Variants in SDK1 observed in about 807,000 individuals in gnomAD.
SDK1 encodes the protein protein sidekick-1.
Under a neutral mutation model 245.5 loss-of-function variants are expected in SDK1, and 157 were observed. That is an observed-to-expected ratio of 0.64 (90% CI 0.56 to 0.73). SDK1 has a LOEUF of 0.73. Ranked by LOEUF, SDK1 falls within the 30% of genes least tolerant of loss-of-function variation. The pLI is 0.00. For synonymous variants in SDK1, 1,647 were observed against 1,278.5 expected (o/e 1.29, Z -6.15); for missense variants, 3,583 against 3,002.3 (o/e 1.19, Z -4.52).
At chr7:3,530,296 T>A (rs1044980068) in intron 1 of SDK1, among the ~76,000 whole-genome samples, 1 of 152,198 alleles carries the variant, frequency 6.6e-6, no homozygotes, top group Non-Finnish European at 1.5e-5. Context: ...AAGAATATCA[T>A]CTGTGGTATC....
At chr7:3,307,247 AAAG>A (rs932627213) in intron 1 of SDK1, among the ~76,000 whole-genome samples, 7 of 152,240 alleles carry the variant, frequency 4.6e-5, no homozygotes, top group Admixed American at 3.9e-4. Flanking sequence ...TTTTTTAAAA[AAAG>A]GGCATAAACG....
At chr7:3,376,456 ACT>A (rs1203485469) in intron 1 of SDK1, among the ~76,000 whole-genome samples, 3 of 152,148 alleles carry the variant, frequency 2.0e-5, no homozygotes, top group African/African-American at 7.2e-5. Context: ...CAGTAAGAAG[ACT>A]CTATAAATGG....
At chr7:4,033,304 T>C (rs1173665229) in intron 17 of SDK1, among the ~76,000 whole-genome samples, 2 of 152,232 alleles carry the variant, frequency 1.3e-5, no homozygotes, top group African/African-American at 4.8e-5. Flanking sequence ...TATACAAGGA[T>C]ACATTCCAAG....
chr7:3,422,462 A>G (rs1382262190), intron 1 of SDK1, among the ~76,000 whole-genome samples: 8 of 152,220 alleles, frequency 5.3e-5, no homozygotes, highest in East Asian at 1.9e-4. Context: ...ACTATAGAAT[A>G]TAACCAACTT....
chr7:4,094,923 C>T (rs35493503), intron 22 of SDK1, among the ~76,000 whole-genome samples: 48,634 of 152,068 alleles, frequency 0.32, 9,431 homozygotes, highest in African/African-American at 0.55. Flanking sequence ...CAGGAACCCA[C>T]AGGTTATAGG....
At chr7:3,394,755 T>C (rs1781849293) in intron 1 of SDK1, among the ~76,000 whole-genome samples, 1 of 152,138 alleles carries the variant, frequency 6.6e-6, no homozygotes, top group South Asian at 2.1e-4. Context: ...TGTATGTACT[T>C]TTTTAATGCT....
intron 35 of SDK1, 43 bp downstream of exon 35, chr7:4,178,629 CAGT>C: frequency 7.0e-7 from 1 of 1,429,378 alleles, no homozygotes; most frequent in Non-Finnish European, 9.8e-7. Context: ...GAGAGGGCCA[CAGT>C]GGTGGGGACA....
chr7:3,670,449 T>A (rs1030834478), intron 4 of SDK1, among the ~76,000 whole-genome samples: 2 of 152,202 alleles, frequency 1.3e-5, no homozygotes, highest in African/African-American at 4.8e-5. Flanking sequence ...GACAAGTTCT[T>A]AAACAAAACA....
intron 31 of SDK1, 55 bp from the exon 32 acceptor site, chr7:4,161,731 G>A (rs1463439724): frequency 4.1e-6 from 6 of 1,475,566 alleles, no homozygotes; most frequent in Non-Finnish European, 5.7e-6. Context: ...CCTGGGAAGG[G>A]CGGCAGAACA....
intron 1 of SDK1, among the ~76,000 whole-genome samples, chr7:3,475,133 C>T (rs1035327485): frequency 2.0e-5 from 3 of 152,162 alleles, no homozygotes; most frequent in East Asian, 1.9e-4. Flanking sequence ...GATTCCTTCC[C>T]CTTGTTCCAT....
chr7:3,483,064 C>T (rs1020305877), intron 1 of SDK1, among the ~76,000 whole-genome samples: 3 of 152,106 alleles, frequency 2.0e-5, no homozygotes, highest in Non-Finnish European at 4.4e-5. Context: ...CAAATTTTTT[C>T]ATTGTTCTTT....
intron 1 of SDK1, among the ~76,000 whole-genome samples, chr7:3,430,458 C>T (rs547374774): frequency 5.3e-5 from 8 of 152,234 alleles, no homozygotes; most frequent in East Asian, 1.9e-4. Flanking sequence ...AAGCTTCGTC[C>T]GCCTCATCTG....
rs565634835 is a variant in SDK1, at chr7:4,223,358, T to C, written c.5827+1994T>C. 5.9e-5 allele frequency among the ~76,000 whole-genome samples: 9 copies of C among 152,322 alleles called. No homozygotes were observed. The East Asian group carries it at 1.7e-3, about 29-fold the overall frequency. The stretch of plus-strand genomic sequence containing the variant: ...GCTGCCTTAGCAAAGTCCCACAAAC[T>C]AGGCAGCCTCCACAACAGACATGGG... On this transcript the variant is annotated intron_variant, in intron 40 of 44. Coordinates refer to ENST00000404826, the MANE Select transcript of SDK1 (RefSeq NM_152744.4).
At chr7:3,800,673 G>A (rs897168071) in intron 4 of SDK1, among the ~76,000 whole-genome samples, 2 of 152,166 alleles carry the variant, frequency 1.3e-5, no homozygotes, top group Non-Finnish European at 2.9e-5. Flanking sequence ...CTCGGCTGCC[G>A]TCTTTTATTT....
At chr7:3,759,832 A>T (rs971192872) in intron 4 of SDK1, among the ~76,000 whole-genome samples, 1 of 152,074 alleles carries the variant, frequency 6.6e-6, no homozygotes, top group African/African-American at 2.4e-5. Context: ...ACCTCAGGTG[A>T]TCCACCCACC....
chr7:4,230,849 G>A (rs1785715780), intron 40 of SDK1, among the ~76,000 whole-genome samples: 1 of 152,156 alleles, frequency 6.6e-6, no homozygotes, highest in African/African-American at 2.4e-5. Flanking sequence ...AAAAAGATGA[G>A]TCTGAGGGGG....
chr7:3,623,367 C>T (rs529473907), intron 2 of SDK1, among the ~76,000 whole-genome samples: 3 of 150,902 alleles, frequency 2.0e-5, no homozygotes, highest in South Asian at 2.1e-4. Flanking sequence ...CAGCCTCCTG[C>T]GTAGCTGGGA....
At chr7:3,410,878 C>T (rs974611113) in intron 1 of SDK1, among the ~76,000 whole-genome samples, 1 of 152,070 alleles carries the variant, frequency 6.6e-6, no homozygotes, top group East Asian at 1.9e-4. Flanking sequence ...TGAGCTACCA[C>T]GCCCAGCCCA....
At chr7:3,715,737 A>G (rs914229828) in intron 4 of SDK1, among the ~76,000 whole-genome samples, 8 of 152,226 alleles carry the variant, frequency 5.3e-5, no homozygotes, top group Admixed American at 6.5e-5. Context: ...ACGTCCACAG[A>G]GAATGGAAAA....
Sources: gnomAD v4.1 joint callset for allele counts (sites outside exome capture counted in the v4.1 genomes callset) on GRCh38, gnomAD v4.1.1 for gene constraint, MANE v1.5 for transcripts, NCBI Gene and HGNC (gene_info 2026-07-23, HGNC 2026-07-21) for gene names.